The following NPAS3 variants were observed in gnomAD, a reference collection of about 807,000 sequenced individuals.
The protein encoded by NPAS3 is neuronal PAS domain protein 3.
Under a neutral mutation model 73.1 loss-of-function variants are expected in NPAS3, and 14 were observed. The ratio of observed to expected loss-of-function variants is 0.19; its 90% CI spans 0.13 to 0.30. NPAS3 has a LOEUF of 0.30. Among genes scored for constraint, NPAS3 ranks in the 10% least tolerant of loss-of-function variants. The pLI, the probability that NPAS3 is intolerant of heterozygous loss-of-function variation, is 1.00. For synonymous variants in NPAS3, 620 were observed against 541.5 expected (o/e 1.14, Z -2.01); for missense variants, 1,096 against 1,250.0 (o/e 0.88, Z 1.86).
intron 6 of NPAS3, among the ~76,000 whole-genome samples, chr14:33,729,982 T>G (rs2061361785): frequency 6.6e-6 from 1 of 152,216 alleles, no homozygotes; most frequent in East Asian, 1.9e-4. Context: ...GTTGGGAAGA[T>G]CTTATTAAAT....
intron 1 of NPAS3, among the ~76,000 whole-genome samples, chr14:32,943,523 C>A (rs1022250827): frequency 6.6e-6 from 1 of 152,098 alleles, no homozygotes; most frequent in Non-Finnish European, 1.5e-5. Flanking sequence ...TGCTATGTTA[C>A]AATTGTGTCT....
chr14:33,629,944 A>G (rs1368050878), intron 5 of NPAS3, among the ~76,000 whole-genome samples: 1 of 152,174 alleles, frequency 6.6e-6, no homozygotes, highest in Non-Finnish European at 1.5e-5. Context: ...CTCTAATGCT[A>G]TCATACTTCA....
At chr14:33,055,282 T>G (rs1451321233) in intron 1 of NPAS3, among the ~76,000 whole-genome samples, 1 of 152,214 alleles carries the variant, frequency 6.6e-6, no homozygotes, top group East Asian at 1.9e-4. Context: ...TTGCCTTAAC[T>G]GCCAAGAAAC....
chr14:33,262,367 T>C lies in NPAS3; in HGVS notation c.385+46941T>C, dbSNP rs1306499812. ...TTTGCTCCATTGTTTTAGATTTCCT[T>C]CAAGTTCTATACACAACCAGATGGA... On this transcript the variant is annotated intron_variant, in intron 3 of 11. Coordinates refer to ENST00000356141, the Ensembl canonical transcript of NPAS3. Among the ~76,000 whole-genome samples, 3 of 152,232 alleles carry C rather than the reference T, an allele frequency of 2.0e-5. No homozygotes were observed. In the East Asian group the frequency reaches 5.8e-4, roughly 29 times the overall value.
At chr14:32,953,194 G>T (rs2036551872) in intron 1 of NPAS3, among the ~76,000 whole-genome samples, 1 of 151,388 alleles carries the variant, frequency 6.6e-6, no homozygotes, top group South Asian at 2.1e-4. Context: ...ATTTAAATTT[G>T]GGATTTATAG....
intron 2 of NPAS3, among the ~76,000 whole-genome samples, chr14:33,197,966 C>T (rs927474181): frequency 4.6e-5 from 7 of 151,566 alleles, no homozygotes; most frequent in African/African-American, 7.3e-5. Context: ...GAGTTTCTTC[C>T]TTGTGGTGGG....
chr14:33,086,118 T>C (rs771182183), intron 2 of NPAS3, among the ~76,000 whole-genome samples: 1 of 152,246 alleles, frequency 6.6e-6, no homozygotes, highest in Non-Finnish European at 1.5e-5. Context: ...TGTCATTATA[T>C]GTTAAAAATG....
chr14:33,081,308 A>G (rs1019086444), intron 2 of NPAS3, among the ~76,000 whole-genome samples: 4 of 152,224 alleles, frequency 2.6e-5, no homozygotes, highest in African/African-American at 7.2e-5. Flanking sequence ...AATCTAGAGC[A>G]GTCTGTGTAG....
chr14:33,252,463 A>G (rs1156662261), intron 3 of NPAS3, among the ~76,000 whole-genome samples: 1 of 151,950 alleles, frequency 6.6e-6, no homozygotes, highest in Admixed American at 6.6e-5. Flanking sequence ...TGTAGTAGGT[A>G]TTCTTATATA....
intron 5 of NPAS3, among the ~76,000 whole-genome samples, chr14:33,674,051 C>T (rs1595409742): frequency 6.6e-6 from 1 of 152,272 alleles, no homozygotes; most frequent in East Asian, 1.9e-4. Context: ...CCTCACCGTG[C>T]CCTAGTGCTC....
At chr14:33,756,206 G>T (rs572658065) in intron 7 of NPAS3, among the ~76,000 whole-genome samples, 36 of 152,234 alleles carry the variant, frequency 2.4e-4, no homozygotes, top group Admixed American at 2.4e-3. Flanking sequence ...AGTCAGTAAT[G>T]AGTAATACAG....
chr14:33,505,290 A>G lies in NPAS3; in HGVS notation c.469-54831A>G, dbSNP rs1402275610. ...ATTATAGCCACATAATAGGTCCACA[A>G]TTGATGGCAGTTGAATTTTTAATGG... is the stretch of plus-strand genomic sequence containing the variant. On this transcript the variant is annotated intron_variant, in intron 4 of 11. Transcript: ENST00000356141. Among the ~76,000 whole-genome samples, 4 of 151,544 alleles carry G rather than the reference A, an allele frequency of 2.6e-5. 1 individual carries two copies. The highest frequency in any genetic ancestry group is 2.0e-4 in the Admixed American group (3 of 15,242).
At chr14:33,037,404 G>A (rs979452533) in intron 1 of NPAS3, among the ~76,000 whole-genome samples, 4 of 151,756 alleles carry the variant, frequency 2.6e-5, no homozygotes, top group African/African-American at 7.3e-5. Flanking sequence ...CAGCAATTTG[G>A]GAGGCAAGGG....
chr14:33,407,498 T>G (rs536700797), intron 4 of NPAS3, among the ~76,000 whole-genome samples: 1 of 152,258 alleles, frequency 6.6e-6, no homozygotes, highest in South Asian at 2.1e-4. Flanking sequence ...TTTTTAGTAT[T>G]ATATTGATTT....
intron 6 of NPAS3, among the ~76,000 whole-genome samples, chr14:33,724,987 A>AG (rs1243645319): frequency 1.3e-5 from 2 of 152,240 alleles, no homozygotes; most frequent in Non-Finnish European, 2.9e-5. Flanking sequence ...AATATTGCAC[A>AG]GCCACTAAAA....
At chr14:33,518,165 T>A (rs745767970) in intron 4 of NPAS3, among the ~76,000 whole-genome samples, 1 of 152,064 alleles carries the variant, frequency 6.6e-6, no homozygotes, top group Non-Finnish European at 1.5e-5. Flanking sequence ...AGTACAAGCA[T>A]GCTAAGAGGA....
downstream of NPAS3, chr14:33,801,466 C>A: frequency 6.9e-6 from 2 of 288,608 alleles, no homozygotes; most frequent in Non-Finnish European, 6.5e-6. Context: ...CAAGTGACAA[C>A]CATTGGGGTT....
intron 4 of NPAS3, among the ~76,000 whole-genome samples, chr14:33,551,704 G>GC (rs1489092550): frequency 6.6e-6 from 1 of 152,176 alleles, no homozygotes; most frequent in Admixed American, 6.5e-5. Context: ...TTACATACCA[G>GC]CTGCCTATTT....
chr14:33,155,054 T>G (rs2044598467), intron 2 of NPAS3, among the ~76,000 whole-genome samples: 1 of 152,252 alleles, frequency 6.6e-6, no homozygotes, highest in South Asian at 2.1e-4. Context: ...AAAAATATTT[T>G]AAACTCACAG....
Sources: allele counts gnomAD v4.1 joint callset (sites outside exome capture counted in the v4.1 genomes callset), GRCh38; gene constraint gnomAD v4.1.1; transcripts MANE v1.5; gene names NCBI Gene and HGNC (gene_info 2026-07-23, HGNC 2026-07-21).